Variants in PNPLA8 observed in about 807,000 individuals in gnomAD.
The protein encoded by PNPLA8 is patatin like domain 8, phospholipase A2.
In PNPLA8, 39 loss-of-function variants were observed where a neutral mutation model predicts 76.9. The ratio of observed to expected loss-of-function variants is 0.51; its 90% CI spans 0.39 to 0.66. The LOEUF is 0.66. Ranked by LOEUF, PNPLA8 falls within the 30% of genes least tolerant of loss-of-function variation. The probability of loss-of-function intolerance (pLI) is 0.00; values close to 1 mark genes in which losing one functional copy is unlikely to be tolerated. For synonymous variants in PNPLA8, 301 were observed against 307.9 expected (o/e 0.98, Z 0.24); for missense variants, 887 against 918.0 (o/e 0.97, Z 0.44).
chr7:108,478,399 G>GT (rs562771571), intron 10 of PNPLA8, among the ~76,000 whole-genome samples: 16 of 150,812 alleles, frequency 1.1e-4, no homozygotes, highest in East Asian at 1.9e-4. Context: ...TTTGTTTTTG[G>GT]TTTTTTTTTG....
Position 108,479,275 on chromosome 7 carries a change from T to C in PNPLA8, c.1983A>G (p.Gly661=), listed in dbSNP as rs1860220605. The C allele has an allele frequency of 6.2e-7, 1 of 1,613,110 alleles. No homozygotes were observed. Among genetic ancestry groups the C allele is most frequent in the Non-Finnish European group, 8.5e-7 (1 of 1,179,072 alleles). Residue 661 remains glycine, a synonymous_variant, in exon 10 of 11, where the codon GGA becomes GGG. Coordinates refer to ENST00000257694, the MANE Select transcript of PNPLA8 (RefSeq NM_001256007.3). The part of the protein sequence containing the change: ...PLECIVSLGT[G]RYESDVRNTV... ...TGTTTCTCACATCACTCTCATAACG[T>C]CCAGTGCCCAGGGATACTATGCACT...
At position 108,470,552 on chromosome 7, in the gene PNPLA8, T is replaced by C. The variant is rs2154514460; in HGVS notation, c.*1849A>G. 6.6e-6 allele frequency: 1 copy of C among 152,206 alleles called. No homozygotes were observed. The highest frequency in any genetic ancestry group is 2.1e-4 in the South Asian group (1 of 4,822). The allele number at this position is 152,206 out of a possible 1,614,324, so 9.4% of individuals were successfully genotyped here. ...GAGTGACCTTATGATGAGGTGCAAATATGTAAATATGCATAAATATTACTT... is the reference window on the plus strand; with the variant it reads ...GAGTGACCTTATGATGAGGTGCAAACATGTAAATATGCATAAATATTACTT... On this transcript the variant is annotated 3_prime_UTR_variant, in exon 11 of 11. Transcript: ENST00000257694.
chr7:108,518,615 A>C (rs40881), intron 2 of PNPLA8, among the ~76,000 whole-genome samples: 3,377 of 151,534 alleles, frequency 0.022, 130 homozygotes, highest in African/African-American at 0.078. Context: ...GGTATATGGA[A>C]ACGTCTGTAC....
rs1337783445 is a variant in PNPLA8, at chr7:108,525,784, A to C, written c.-130+245T>G. Among the ~76,000 whole-genome samples the C allele has an allele frequency of 2.0e-5, 3 of 152,176 alleles. No homozygotes were observed. In the East Asian group the frequency reaches 5.8e-4, roughly 29 times the overall value. ...GGAGCAGGGCGGGACCTGCGAAACC[A>C]AATACGGTTTGCGCTTCTGGGGCAG... On this transcript the variant is annotated intron_variant, in intron 1 of 10. Transcript: ENST00000257694.
intron 2 of PNPLA8, among the ~76,000 whole-genome samples, chr7:108,519,806 TCTC>T (rs1437925470): frequency 6.7e-6 from 1 of 150,176 alleles, no homozygotes; most frequent in Non-Finnish European, 1.5e-5. Flanking sequence ...TGTTTTCCCT[TCTC>T]CTCCTCAGGG....
chr7:108,495,137 G>A (rs1319302972), intron 7 of PNPLA8, among the ~76,000 whole-genome samples: 2 of 152,060 alleles, frequency 1.3e-5, no homozygotes, highest in African/African-American at 2.4e-5. Flanking sequence ...CTGTATTGAA[G>A]AACAAATTCA....
chr7:108,520,050 A>T (rs1007127761), intron 2 of PNPLA8, among the ~76,000 whole-genome samples: 1 of 152,162 alleles, frequency 6.6e-6, no homozygotes, highest in Non-Finnish European at 1.5e-5. Flanking sequence ...TTCCCCTCTG[A>T]AAATAGCTAT....
chr7:108,488,529 G>A (rs1170140972), intron 8 of PNPLA8, among the ~76,000 whole-genome samples: 2 of 152,140 alleles, frequency 1.3e-5, no homozygotes, highest in Non-Finnish European at 2.9e-5. Context: ...CCGAGATCAC[G>A]TCACTGCACT....
chr7:108,516,223 AAG>A (rs1863332586), intron 2 of PNPLA8, among the ~76,000 whole-genome samples: 2 of 152,240 alleles, frequency 1.3e-5, no homozygotes, highest in South Asian at 4.1e-4. Context: ...CAAATAAGAA[AAG>A]AATAATCCAA....
intron 5 of PNPLA8, 55 bp from the exon 6 acceptor site, chr7:108,497,632 T>A: frequency 1.0e-6 from 1 of 1,001,818 alleles, no homozygotes; most frequent in Non-Finnish European, 1.5e-6. Flanking sequence ...AAAAATAATT[T>A]AAGCTGTTGA....
At chr7:108,488,066 C>T (rs184013871) in intron 8 of PNPLA8, 113 bp from the exon 9 acceptor site, 2 of 502,850 alleles carry the variant, frequency 4.0e-6, no homozygotes, top group East Asian at 3.2e-5. Context: ...ATATGTGTAA[C>T]AAATATAATG....
chr7:108,478,238 T>TAG (rs899842442), intron 10 of PNPLA8, among the ~76,000 whole-genome samples: 3 of 152,064 alleles, frequency 2.0e-5, no homozygotes, highest in Admixed American at 1.3e-4. Flanking sequence ...AATAGCCTTA[T>TAG]AGAGAGAGAG....
chr7:108,477,972 A>T (rs1860117643), intron 10 of PNPLA8, among the ~76,000 whole-genome samples: 3 of 152,254 alleles, frequency 2.0e-5, no homozygotes, highest in Non-Finnish European at 4.4e-5. Flanking sequence ...AAACTGGGTA[A>T]GTCAAAGTAA....
intron 4 of PNPLA8, chr7:108,510,836 G>C: frequency 6.3e-7 from 1 of 1,599,414 alleles, no homozygotes; most frequent in East Asian, 2.2e-5. Context: ...ACGCTTCAAA[G>C]AGGCAAATAA....
intron 4 of PNPLA8, among the ~76,000 whole-genome samples, chr7:108,504,804 T>C (rs565840007): frequency 6.2e-4 from 94 of 152,210 alleles, no homozygotes; most frequent in African/African-American, 1.5e-3. Context: ...TGGCTGGGCA[T>C]GGTGACTCAC....
At chr7:108,493,034 G>A (rs1260653086) in intron 7 of PNPLA8, among the ~76,000 whole-genome samples, 1 of 152,216 alleles carries the variant, frequency 6.6e-6, no homozygotes, top group African/African-American at 2.4e-5. Flanking sequence ...CCCATTGGTA[G>A]AGCCACCAAG....
intron 5 of PNPLA8, among the ~76,000 whole-genome samples, chr7:108,501,791 T>G (rs925993855): frequency 6.6e-6 from 1 of 151,956 alleles, no homozygotes; most frequent in African/African-American, 2.4e-5. Flanking sequence ...ACCACTGCAC[T>G]CCAGCCTGGG....
At chr7:108,517,771 T>C (rs1451441725) in intron 2 of PNPLA8, among the ~76,000 whole-genome samples, 1 of 152,030 alleles carries the variant, frequency 6.6e-6, no homozygotes, top group African/African-American at 2.4e-5. Flanking sequence ...GGGGTGTCTG[T>C]GTGTGTGTGT....
At chr7:108,508,748 A>G (rs962738705) in intron 4 of PNPLA8, among the ~76,000 whole-genome samples, 3 of 152,078 alleles carry the variant, frequency 2.0e-5, no homozygotes, top group African/African-American at 4.8e-5. Context: ...ACAAAGCTGG[A>G]GGAAGCACAC....
Sources: gnomAD v4.1 joint callset for allele counts (sites outside exome capture counted in the v4.1 genomes callset) on GRCh38, gnomAD v4.1.1 for gene constraint, MANE v1.5 for transcripts, NCBI Gene and HGNC (gene_info 2026-07-23, HGNC 2026-07-21) for gene names.